The following CTNNA3 variants were observed in gnomAD, a reference collection of about 807,000 sequenced individuals.
CTNNA3 encodes catenin alpha 3.
A neutral mutation model predicts 95.7 loss-of-function variants in CTNNA3; 76 were observed. That is an observed-to-expected ratio of 0.79 (90% CI 0.66 to 0.96). The LOEUF is 0.96. Among genes scored for constraint, CTNNA3 ranks in the 40% least tolerant of loss-of-function variants. The pLI, the probability that CTNNA3 is intolerant of heterozygous loss-of-function variation, is 0.00. For synonymous variants in CTNNA3, 431 were observed against 374.4 expected, an observed-to-expected ratio of 1.15 and a Z score of -1.74; for missense variants, 1,191 against 1,089.8, an observed-to-expected ratio of 1.09 and a Z score of -1.31.
chr10:66,264,534 C>T (rs2091098883), intron 13 of CTNNA3, among the ~76,000 whole-genome samples: 2 of 151,800 alleles, frequency 1.3e-5, no homozygotes, highest in South Asian at 4.1e-4. Flanking sequence ...ATATTATTGA[C>T]ATTAATTTGA....
intron 11 of CTNNA3, among the ~76,000 whole-genome samples, chr10:66,508,543 G>A (rs886301801): frequency 1.3e-5 from 2 of 151,936 alleles, no homozygotes; most frequent in African/African-American, 2.4e-5. Context: ...CTTTTATAAT[G>A]TATAAACTTC....
intron 9 of CTNNA3, among the ~76,000 whole-genome samples, chr10:66,676,612 C>A (rs1297728259): frequency 6.6e-6 from 1 of 152,080 alleles, no homozygotes; most frequent in Non-Finnish European, 1.5e-5. Context: ...CTCCCTCTCA[C>A]AACCAGCTAT....
chr10:67,512,542 A>C (rs896684423), intron 5 of CTNNA3, among the ~76,000 whole-genome samples: 1 of 152,210 alleles, frequency 6.6e-6, no homozygotes, highest in African/African-American at 2.4e-5. Flanking sequence ...AGAAATTGTC[A>C]ATAAATCAAA....
At chr10:66,733,801 A>C (rs983258135) in intron 9 of CTNNA3, among the ~76,000 whole-genome samples, 11 of 151,656 alleles carry the variant, frequency 7.3e-5, no homozygotes, top group African/African-American at 2.7e-4. Flanking sequence ...GATGTTGTTA[A>C]ATTTTTTTGC....
At chr10:66,799,055 A>G (rs1345752245) in intron 7 of CTNNA3, among the ~76,000 whole-genome samples, 2 of 151,636 alleles carry the variant, frequency 1.3e-5, no homozygotes, top group Non-Finnish European at 3.0e-5. Context: ...TGGCTTAAAA[A>G]TTACAAATGG....
At chr10:67,730,519 C>T (rs1409019427) in intron 1 of CTNNA3, among the ~76,000 whole-genome samples, 1 of 152,028 alleles carries the variant, frequency 6.6e-6, no homozygotes, top group African/African-American at 2.4e-5. Context: ...GAAAGTAAAC[C>T]ATGAAAGAGG....
intron 1 of CTNNA3, among the ~76,000 whole-genome samples, chr10:67,670,829 G>A (rs528505063): frequency 7.9e-5 from 12 of 152,168 alleles, no homozygotes; most frequent in East Asian, 3.9e-4. Context: ...TTAAACTTCC[G>A]TAACTTTTTT....
rs184411854 is a variant in CTNNA3, at chr10:66,110,823, A to T, written c.1885-7574T>A. Among the ~76,000 whole-genome samples, 13 of 152,314 alleles carry T rather than the reference A, an allele frequency of 8.5e-5. No homozygotes were observed. In the East Asian group the frequency reaches 2.5e-3, roughly 29 times the overall value. On this transcript the variant is annotated intron_variant, in intron 13 of 17. Transcript: ENST00000433211. The stretch of plus-strand genomic sequence containing the variant: ...TATATGAATTTGTCACTGTGCAAGT[A>T]TCATAGAGTATATTTAAACAAACCT...
At chr10:67,340,403 CAT>C (rs1468939997) in intron 5 of CTNNA3, among the ~76,000 whole-genome samples, 1 of 152,152 alleles carries the variant, frequency 6.6e-6, no homozygotes, top group Non-Finnish European at 1.5e-5. Flanking sequence ...TTGGTATCTC[CAT>C]AGACATGGTT....
rs1033789643 is a variant in CTNNA3 at position 66,551,951 on chromosome 10, G to A, written c.1375-31178C>T. ...AGAGTCTCGCTCTGTCGCCCAGGCT[G>A]GAGTGCAGTGGCGCTGATCTTGGCT... is the stretch of plus-strand genomic sequence containing the variant. On this transcript the variant is annotated intron_variant, in intron 10 of 17. Coordinates refer to ENST00000433211, the MANE Select transcript of CTNNA3 (RefSeq NM_013266.4). Among the ~76,000 whole-genome samples the A allele has an allele frequency of 3.7e-4, 52 of 141,720 alleles. 1 individual carries two copies. Among genetic ancestry groups the A allele is most frequent in the Non-Finnish European group, 3.0e-5 (2 of 66,486 alleles). The allele number at this position is 141,720 out of a possible 152,430, so 93.0% of individuals were successfully genotyped here.
chr10:66,743,232 C>T (rs1564652963), intron 9 of CTNNA3, among the ~76,000 whole-genome samples: 1 of 152,106 alleles, frequency 6.6e-6, no homozygotes, highest in Non-Finnish European at 1.5e-5. Context: ...TTCTTTCAGA[C>T]ATCTAAAAGG....
chr10:66,543,450 A>G (rs1472610835), intron 10 of CTNNA3, among the ~76,000 whole-genome samples: 1 of 152,156 alleles, frequency 6.6e-6, no homozygotes, highest in African/African-American at 2.4e-5. Flanking sequence ...AACAATATTT[A>G]ATAACATGGA....
Position 66,708,404 on chromosome 10 carries a change from T to A in CTNNA3, c.1281+57860A>T, listed in dbSNP as rs190116875. On this transcript the variant is annotated intron_variant, in intron 9 of 17. Coordinates refer to ENST00000433211, the MANE Select transcript of CTNNA3 (RefSeq NM_013266.4). ...CTCTGTCTTCGCATGGCCTTTCCTCTGAACTAACACACATTCCTGGAATTT... is the reference window on the plus strand; with the variant it reads ...CTCTGTCTTCGCATGGCCTTTCCTCAGAACTAACACACATTCCTGGAATTT... Among the ~76,000 whole-genome samples the A allele has an allele frequency of 7.4e-4, 113 of 152,152 alleles. 1 individual carries two copies. Among genetic ancestry groups the A allele is most frequent in the Admixed American group, 1.5e-3 (23 of 15,248 alleles).
intron 3 of CTNNA3, among the ~76,000 whole-genome samples, chr10:67,573,576 A>T (rs1369505611): frequency 6.6e-6 from 1 of 152,110 alleles, no homozygotes; most frequent in East Asian, 1.9e-4. Flanking sequence ...CATTTGTAAA[A>T]GCTGAAAAGA....
At chr10:66,604,863 C>A (rs1659008872) in intron 10 of CTNNA3, among the ~76,000 whole-genome samples, 1 of 150,958 alleles carries the variant, frequency 6.6e-6, no homozygotes, top group Non-Finnish European at 1.5e-5. Flanking sequence ...TGAGAAACAA[C>A]CAACACAAGA....
intron 9 of CTNNA3, among the ~76,000 whole-genome samples, chr10:66,731,784 C>T (rs1038154997): frequency 2.0e-5 from 3 of 152,098 alleles, no homozygotes. Context: ...TTGCTACCAA[C>T]AATGGTTTAT....
chr10:65,977,219 T>C (rs944141760), intron 16 of CTNNA3, among the ~76,000 whole-genome samples: 5 of 152,142 alleles, frequency 3.3e-5, no homozygotes, highest in African/African-American at 1.2e-4. Context: ...CTAAGTTTTA[T>C]AATCACAGGG....
At chr10:66,639,614 T>C (rs1845448505) in intron 9 of CTNNA3, among the ~76,000 whole-genome samples, 2 of 152,244 alleles carry the variant, frequency 1.3e-5, no homozygotes, top group East Asian at 1.9e-4. Context: ...GACTCAATAA[T>C]ATAACTTTAA....
At chr10:67,749,379 GCA>G (rs1314339003) in intron 1 of CTNNA3, among the ~76,000 whole-genome samples, 7 of 152,254 alleles carry the variant, frequency 4.6e-5, no homozygotes, top group African/African-American at 1.7e-4. Context: ...GTGCCACATG[GCA>G]CATACTCTAA....
Sources: gnomAD v4.1 joint callset for allele counts (sites outside exome capture counted in the v4.1 genomes callset) on GRCh38, gnomAD v4.1.1 for gene constraint, MANE v1.5 for transcripts, NCBI Gene and HGNC (gene_info 2026-07-23, HGNC 2026-07-21) for gene names.